The following PTK2 variants were observed in gnomAD, a reference collection of about 807,000 sequenced individuals.
PTK2 encodes focal adhesion kinase 1.
In PTK2, 45 loss-of-function variants were observed where a neutral mutation model predicts 150.1. The observed-to-expected ratio is 0.30, with a 90% CI of 0.24 to 0.38. PTK2 has a LOEUF of 0.38. Ranked by LOEUF, PTK2 falls within the 10% of genes least tolerant of loss-of-function variation. The pLI is 1.00. For synonymous variants in PTK2, 432 were observed against 449.2 expected (o/e 0.96, Z 0.48); for missense variants, 919 against 1,307.3 (o/e 0.70, Z 4.58).
intron 22 of PTK2, chr8:140,734,810 T>C (rs954125322): frequency 7.8e-6 from 4 of 510,012 alleles, no homozygotes; most frequent in South Asian, 5.8e-5. Context: ...AGTTTATAGG[T>C]GGCAAAGGTC....
intron 27 of PTK2, among the ~76,000 whole-genome samples, chr8:140,678,431 C>A (rs1564169937): frequency 6.6e-6 from 1 of 152,114 alleles, no homozygotes; most frequent in Non-Finnish European, 1.5e-5. Context: ...ACTGTAGACT[C>A]GACTTCCTGG....
chr8:140,917,241 A>G (rs2100165618), intron 2 of PTK2, among the ~76,000 whole-genome samples: 1 of 152,026 alleles, frequency 6.6e-6, no homozygotes, highest in African/African-American at 2.4e-5. Context: ...AAATACAACA[A>G]TTAGCCAGGC....
At chr8:140,785,766 A>C (rs190476450) in intron 14 of PTK2, among the ~76,000 whole-genome samples, 3 of 152,212 alleles carry the variant, frequency 2.0e-5, no homozygotes, top group Non-Finnish European at 4.4e-5. Flanking sequence ...GCTGTGTGAC[A>C]CTGAATAAGT....
intron 25 of PTK2, 112 bp downstream of exon 28, chr8:140,702,458 A>G (rs1383971560): frequency 7.5e-6 from 10 of 1,331,480 alleles, no homozygotes; most frequent in African/African-American, 1.5e-5. Flanking sequence ...GGCTCAAGCA[A>G]TCCTCCTACT....
chr8:140,921,656 T>C (rs1204741267), intron 2 of PTK2, among the ~76,000 whole-genome samples: 3 of 152,184 alleles, frequency 2.0e-5, no homozygotes, highest in Non-Finnish European at 2.9e-5. Context: ...CTCGAAAACA[T>C]AAAATCAAGA....
chr8:140,708,353 T>C (rs900885153), intron 23 of PTK2, among the ~76,000 whole-genome samples: 3 of 152,146 alleles, frequency 2.0e-5, no homozygotes, highest in Admixed American at 6.5e-5. Flanking sequence ...CCTCCTTCCA[T>C]CTGTAGTATA....
At chr8:140,696,304 C>T (rs1238019351) in intron 26 of PTK2, among the ~76,000 whole-genome samples, 3 of 152,174 alleles carry the variant, frequency 2.0e-5, no homozygotes, top group Non-Finnish European at 2.9e-5. Context: ...AGTTAAGTCA[C>T]AGTTGTTGCC....
chr8:140,975,322 A>C (rs2154609765), intron 1 of PTK2, among the ~76,000 whole-genome samples: 2 of 152,246 alleles, frequency 1.3e-5, no homozygotes, highest in Admixed American at 1.3e-4. Context: ...GATGTAAAAA[A>C]TTTATATCAG....
At chr8:140,932,127 G>A (rs1386698059) in intron 1 of PTK2, among the ~76,000 whole-genome samples, 2 of 152,062 alleles carry the variant, frequency 1.3e-5, no homozygotes, top group Non-Finnish European at 2.9e-5. Context: ...ACTCTCAGGG[G>A]TTTGTGAAAC....
At chr8:140,764,033 G>T in intron 15 of PTK2, 1 of 603,304 alleles carries the variant, frequency 1.7e-6, no homozygotes, top group South Asian at 2.4e-5. Flanking sequence ...AATTATTACA[G>T]ATATTTGAGT....
chr8:140,702,316 C>T lies in PTK2; in HGVS notation c.2367+254G>A, dbSNP rs112111418. Among the ~76,000 whole-genome samples, 40 of 149,660 alleles carry T rather than the reference C, an allele frequency of 2.7e-4. 2 individuals are homozygous for T. The highest frequency in any genetic ancestry group is 9.6e-4 in the African/African-American group (39 of 40,696). On this transcript the variant is annotated intron_variant, in intron 25 of 31. Transcript: ENST00000522684. ...CTCACTGCAGTCTCGACTTCCTAGG[C>T]TCAAATGATCCTCTCACCCCAGCAT... is the stretch of plus-strand genomic sequence containing the variant.
chr8:140,840,596 G>GT (rs761745542), intron 7 of PTK2, among the ~76,000 whole-genome samples: 18 of 152,086 alleles, frequency 1.2e-4, no homozygotes, highest in Non-Finnish European at 1.8e-4. Flanking sequence ...AAGGTTAAAT[G>GT]TAAGGGTAAC....
intron 28 of PTK2, 145 bp downstream of exon 31, chr8:140,675,315 A>C: frequency 2.4e-6 from 2 of 826,552 alleles, no homozygotes; most frequent in Non-Finnish European, 3.9e-6. Context: ...TAATGAGCTG[A>C]ATGTGGTAAA....
intron 10 of PTK2, among the ~76,000 whole-genome samples, chr8:140,808,768 C>G (rs921870298): frequency 2.3e-5 from 3 of 133,264 alleles, no homozygotes; most frequent in Non-Finnish European, 4.6e-5. Context: ...TGGAGTCTCA[C>G]TCTGTCGTCC....
chr8:140,879,615 T>C, exon 4 of PTK2: 1 of 1,400,712 alleles, frequency 7.1e-7, no homozygotes, highest in Non-Finnish European at 9.4e-7. Context: ...TTTGTGACTG[T>C]CCACTATCTT....
chr8:140,878,922 T>A (rs1382372663), intron 4 of PTK2, among the ~76,000 whole-genome samples: 1 of 151,404 alleles, frequency 6.6e-6, no homozygotes, highest in African/African-American at 2.4e-5. Flanking sequence ...TGCCCTGAAA[T>A]AATTTTATTT....
At chr8:140,730,429 G>A (rs1379971880) in intron 22 of PTK2, among the ~76,000 whole-genome samples, 1 of 152,180 alleles carries the variant, frequency 6.6e-6, no homozygotes, top group East Asian at 1.9e-4. Context: ...AGTAAGTACT[G>A]ACTGATACCA....
At chr8:140,788,627 T>C (rs966462151) in intron 14 of PTK2, among the ~76,000 whole-genome samples, 1 of 152,112 alleles carries the variant, frequency 6.6e-6, no homozygotes. Flanking sequence ...GAGGTTGCAG[T>C]GAGCTGAGAT....
chr8:140,779,956 A>C (rs2100080743), intron 14 of PTK2, among the ~76,000 whole-genome samples: 1 of 151,798 alleles, frequency 6.6e-6, no homozygotes, highest in Non-Finnish European at 1.5e-5. Flanking sequence ...TCATGGGGGA[A>C]CCTCCTATTC....
Sources: allele counts gnomAD v4.1 joint callset (sites outside exome capture counted in the v4.1 genomes callset), GRCh38; gene constraint gnomAD v4.1.1; transcripts MANE v1.5; gene names NCBI Gene and HGNC (gene_info 2026-07-23, HGNC 2026-07-21).